Variants in PSD3 observed in about 807,000 individuals in gnomAD.
PSD3 encodes PH and SEC7 domain-containing protein 3.
PSD3 carries 49 observed loss-of-function variants against 105.5 expected under a neutral mutation model. The observed-to-expected ratio is 0.46, with a 90% CI of 0.37 to 0.59. The LOEUF is 0.59. Ranked by LOEUF, PSD3 falls within the 20% of genes least tolerant of loss-of-function variation. The pLI is 0.00. For missense variants in PSD3, 1,561 were observed against 1,263.8 expected (o/e 1.24, Z -3.57); for synonymous variants, 557 against 457.8 (o/e 1.22, Z -2.77).
intron 9 of PSD3, among the ~76,000 whole-genome samples, chr8:18,693,260 T>C (rs571448733): frequency 3.5e-4 from 53 of 152,298 alleles, no homozygotes; most frequent in African/African-American, 1.3e-3. Context: ...AGATTTGCTA[T>C]TTCATACTCT....
chr8:18,558,646 C>A (rs1166802694), intron 14 of PSD3, among the ~76,000 whole-genome samples: 1 of 152,060 alleles, frequency 6.6e-6, no homozygotes, highest in Non-Finnish European at 1.5e-5. Flanking sequence ...CATGGTGAAA[C>A]CCTGTCTCTA....
chr8:18,951,496 T>C (rs1159603969), intron 1 of PSD3, among the ~76,000 whole-genome samples: 1 of 152,118 alleles, frequency 6.6e-6, no homozygotes, highest in Non-Finnish European at 1.5e-5. Flanking sequence ...CAGCCACCAT[T>C]CCTACAACAC....
chr8:18,774,788 G>C (rs1807879664), intron 8 of PSD3: 1 of 425,606 alleles, frequency 2.3e-6, no homozygotes, highest in Non-Finnish European at 4.7e-6. Context: ...CAATCTAAGA[G>C]AACTGGAATG....
chr8:18,698,636 G>A (rs976163432), intron 9 of PSD3, among the ~76,000 whole-genome samples: 1 of 152,172 alleles, frequency 6.6e-6, no homozygotes, highest in Non-Finnish European at 1.5e-5. Flanking sequence ...CTGACCTTCA[G>A]ACCTATGAGC....
chr8:18,941,731 G>A (rs1366877273), intron 1 of PSD3, among the ~76,000 whole-genome samples: 1 of 137,860 alleles, frequency 7.3e-6, no homozygotes, highest in African/African-American at 2.9e-5. Context: ...GGAGTGCAAT[G>A]GTACAATCTT....
intron 4 of PSD3, among the ~76,000 whole-genome samples, chr8:18,843,578 G>C (rs1814831029): frequency 6.6e-6 from 1 of 152,086 alleles, no homozygotes; most frequent in Non-Finnish European, 1.5e-5. Context: ...TAACAGCTTT[G>C]AGATACAATT....
At chr8:18,759,748 C>G (rs896021415) in intron 9 of PSD3, among the ~76,000 whole-genome samples, 5 of 150,902 alleles carry the variant, frequency 3.3e-5, no homozygotes, top group African/African-American at 1.2e-4. Flanking sequence ...CGGCCAATAA[C>G]TGACCTTCCA....
intron 2 of PSD3, among the ~76,000 whole-genome samples, chr8:18,913,482 C>A (rs972917963): frequency 6.6e-6 from 1 of 152,130 alleles, no homozygotes; most frequent in African/African-American, 2.4e-5. Context: ...GACCCAGAAA[C>A]CAGTCTGGCC....
chr8:18,890,896 A>G (rs1563389802), intron 2 of PSD3, among the ~76,000 whole-genome samples: 1 of 152,214 alleles, frequency 6.6e-6, no homozygotes, highest in Non-Finnish European at 1.5e-5. Context: ...CCTGTCTTCC[A>G]GGGACCAAGC....
chr8:18,946,937 AAATAT>A (rs1364858797), intron 1 of PSD3, among the ~76,000 whole-genome samples: 3 of 149,700 alleles, frequency 2.0e-5, no homozygotes, highest in Non-Finnish European at 3.0e-5. Context: ...AAAATAAATA[AAATAT>A]ATTATAAAAT....
intron 10 of PSD3, among the ~76,000 whole-genome samples, chr8:18,654,542 T>G (rs1337007473): frequency 1.3e-5 from 2 of 152,228 alleles, no homozygotes; most frequent in Non-Finnish European, 2.9e-5. Context: ...AAATTAAAAT[T>G]TTGAACTGCT....
In PSD3 at chr8:19,024,597, G is replaced by C. The variant is rs151332289; in HGVS notation, c.324+59609C>G. Among the ~76,000 whole-genome samples, 302 of 152,280 alleles carry C rather than the reference G, an allele frequency of 2.0e-3. 3 individuals are homozygous for C. Among genetic ancestry groups the C allele is most frequent in the African/African-American group, 6.9e-3 (288 of 41,556 alleles). Reference sequence around the variant, plus strand: ...TGACACCTGAGCTTATGTTAATGAGGTGACTTAGGATGGAGCCCCTAGACT... The same window carrying C: ...TGACACCTGAGCTTATGTTAATGAGCTGACTTAGGATGGAGCCCCTAGACT... On this transcript the variant is annotated intron_variant, in intron 1 of 1. Transcript: ENST00000521475.
chr8:18,814,232 T>C (rs2638659), intron 4 of PSD3, among the ~76,000 whole-genome samples: 41,079 of 152,158 alleles, frequency 0.27, 6,221 homozygotes, highest in Non-Finnish European at 0.34. Flanking sequence ...AAGCATCACA[T>C]ACAGATTCTG....
chr8:18,703,708 T>C (rs1801723587), intron 9 of PSD3, among the ~76,000 whole-genome samples: 1 of 152,184 alleles, frequency 6.6e-6, no homozygotes, highest in Admixed American at 6.5e-5. Flanking sequence ...GGCTAACCTT[T>C]AGTTGTTTAT....
chr8:18,783,495 G>A (rs192344451), intron 8 of PSD3, among the ~76,000 whole-genome samples: 1 of 152,162 alleles, frequency 6.6e-6, no homozygotes, highest in East Asian at 1.9e-4. Flanking sequence ...TCTTTGGACT[G>A]AGTTTGCTTT....
chr8:18,583,339 G>A (rs147550094), intron 12 of PSD3, among the ~76,000 whole-genome samples: 5,260 of 152,216 alleles, frequency 0.035, 124 homozygotes, highest in Non-Finnish European at 0.054. Context: ...TGAAGTTGGA[G>A]GACTGCTTGA....
chr8:18,635,434 T>A (rs1030242367), intron 10 of PSD3, among the ~76,000 whole-genome samples: 1 of 152,146 alleles, frequency 6.6e-6, no homozygotes, highest in Non-Finnish European at 1.5e-5. Context: ...TATACAACCA[T>A]TGTCTTGTAA....
chr8:18,758,053 C>T (rs1043977767), intron 9 of PSD3, among the ~76,000 whole-genome samples: 4 of 151,992 alleles, frequency 2.6e-5, no homozygotes, highest in Non-Finnish European at 4.4e-5. Context: ...AATTCACAGG[C>T]AGTTGTAAGA....
intron 8 of PSD3, among the ~76,000 whole-genome samples, chr8:18,771,051 C>G (rs1585911903): frequency 6.6e-6 from 1 of 152,226 alleles, no homozygotes; most frequent in South Asian, 2.1e-4. Context: ...TGCTGTCAGA[C>G]TGTCCCTCTG....
Sources: gnomAD v4.1 joint callset for allele counts (sites outside exome capture counted in the v4.1 genomes callset) on GRCh38, gnomAD v4.1.1 for gene constraint, MANE v1.5 for transcripts, NCBI Gene and HGNC (gene_info 2026-07-23, HGNC 2026-07-21) for gene names.